SATB2: variants seen among roughly 807,000 people sequenced by gnomAD.
SATB2 encodes DNA-binding protein SATB2.
Under a neutral mutation model 73.4 loss-of-function variants are expected in SATB2, and 1 was observed. That is an observed-to-expected ratio of 0.01 (90% confidence interval 0.00 to 0.06). The LOEUF is 0.06. Among genes scored for constraint, SATB2 ranks in the 10% least tolerant of loss-of-function variants. The probability of loss-of-function intolerance (pLI) is 1.00; values close to 1 mark genes in which losing one functional copy is unlikely to be tolerated. For synonymous variants in SATB2, 397 were observed against 367.0 expected (o/e 1.08, Z -0.93); for missense variants, 459 against 945.8 (o/e 0.49, Z 6.75).
At chr2:199,355,348 C>CTATATATA (rs72202602) in intron 6 of SATB2, among the ~76,000 whole-genome samples, 2,056 of 134,122 alleles carry the variant, frequency 0.015, 192 homozygotes, top group African/African-American at 0.047. Context: ...GTGTGTGTAT[C>CTATATATA]TATATATATA....
intron 5 of SATB2, among the ~76,000 whole-genome samples, chr2:199,369,192 C>A (rs1203663236): frequency 6.6e-6 from 1 of 152,134 alleles, no homozygotes; most frequent in Non-Finnish European, 1.5e-5. Context: ...GTGATTAGAA[C>A]TTGTGTGAAA....
Position 199,464,424 on chromosome 2 carries a change from C to T in SATB2, c.-141+412G>A, listed in dbSNP as rs1692550246. On this transcript the variant is annotated intron_variant, in intron 1 of 11. Coordinates refer to the SATB2 transcript ENST00000260926. This position sits in a 1 kb window ranked among gnomAD's most constrained non-coding sequence, Gnocchi z 6.6. ...ATACACCCCCACCACCATTTCCACG[C>T]GCGCGCGCGCACACACACACACACA... is the stretch of plus-strand genomic sequence containing the variant. 6.8e-6 allele frequency among the ~76,000 whole-genome samples: 1 copy of T among 147,598 alleles called. No homozygotes were observed. Among genetic ancestry groups the T allele is most frequent in the African/African-American group, 2.7e-5 (1 of 37,554 alleles).
rs117171740 is a variant in SATB2 at position 199,376,795 on chromosome 2, A to G, written c.597+3569T>C. On this transcript the variant is annotated intron_variant, in intron 5 of 10. Coordinates refer to ENST00000417098, the MANE Select transcript of SATB2 (RefSeq NM_001172509.2). ...GCTACTAAGAGCAGAAGTAGCAACT[A>G]CTTCAACCAGGAGGTTGAGGCACTT... Among the ~76,000 whole-genome samples the G allele has an allele frequency of 9.9e-4, 150 of 152,278 alleles. 1 individual carries two copies. The East Asian group carries it at 0.017, about 17-fold the overall frequency.
intron 5 of SATB2, among the ~76,000 whole-genome samples, chr2:199,372,837 C>A (rs1211420623): frequency 6.6e-6 from 1 of 152,070 alleles, no homozygotes; most frequent in Non-Finnish European, 1.5e-5. Context: ...GTTTAGAATC[C>A]AAGAAAACTA....
rs1456682379 is a variant in SATB2, at chr2:199,321,362, TATGTATGTCTATACATAGAC to T, written c.1542+2421_1542+2440del. On this transcript the variant is annotated intron_variant, in intron 9 of 10. Transcript: ENST00000417098. ...GTACATATGTCTATGTATAGATATA[TATGTATGTCTATACATAGAC>T]ATATATATGTCTATATACACACACA... Among the ~76,000 whole-genome samples the T allele has an allele frequency of 1.9e-3, 273 of 146,584 alleles. 2 individuals carry two copies. Among genetic ancestry groups the T allele is most frequent in the African/African-American group, 6.3e-3 (248 of 39,198 alleles).
At chr2:199,275,641 G>A (rs1692291341) in intron 10 of SATB2, among the ~76,000 whole-genome samples, 1 of 152,090 alleles carries the variant, frequency 6.6e-6, no homozygotes, top group African/African-American at 2.4e-5. Flanking sequence ...TGACAGACTA[G>A]GAAGATGTTT....
intron 3 of SATB2, among the ~76,000 whole-genome samples, chr2:199,391,932 A>G (rs1164522063): frequency 6.6e-6 from 1 of 152,216 alleles, no homozygotes; most frequent in South Asian, 2.1e-4. Flanking sequence ...ACACAGTTAG[A>G]GATAATCTGG....
chr2:199,463,752 C>G lies in SATB2; in HGVS notation c.-141+1084G>C, dbSNP rs1016679385. Reference sequence around the variant, plus strand: ...CGCCCTGGCGCGTGCAAAATACGAACGCCCACAGTTTGTCCCAACCCCTTG... The same window carrying G: ...CGCCCTGGCGCGTGCAAAATACGAAGGCCCACAGTTTGTCCCAACCCCTTG... On this transcript the variant is annotated intron_variant, in intron 1 of 11. Coordinates refer to the SATB2 transcript ENST00000260926. This position sits in a 1 kb window ranked among gnomAD's most constrained non-coding sequence, Gnocchi z 6.4. 6.6e-6 allele frequency among the ~76,000 whole-genome samples: 1 copy of G among 152,224 alleles called. No individual in the cohort carries two copies. The highest frequency in any genetic ancestry group is 1.5e-5 in the Non-Finnish European group (1 of 68,036).
rs1687507320 is a variant in SATB2 at position 199,308,675 on chromosome 2, T to C, written c.1740+85A>G. ...AGACACCCTCTGACAGAAGTTGGTG[T>C]GGTGTGTGCCACTTGGACCCTCAGC... On this transcript the variant is annotated intron_variant, in intron 10 of 10. Transcript: ENST00000417098. The surrounding 1 kb of genome is among the most constrained non-coding windows in gnomAD (Gnocchi z 4.6). 1 of 1,126,360 alleles carries C rather than the reference T, an allele frequency of 8.9e-7. No individual in the cohort carries two copies. The highest frequency in any genetic ancestry group is 2.4e-5 in the East Asian group (1 of 42,496). 69.8% of individuals were successfully genotyped at this position (1,126,360 alleles called of 1,614,324 possible). A position where few individuals can be genotyped will look rare whatever the true frequency, so the allele number is the denominator to read the frequency against.
intron 6 of SATB2, 94 bp from the exon 7 acceptor site, chr2:199,349,267 G>A: frequency 8.1e-6 from 8 of 988,230 alleles, no homozygotes; most frequent in South Asian, 5.6e-5. Context: ...CTTTTGGCAT[G>A]TTAATAATAT....
chr2:199,277,953 C>T (rs1040776115), intron 10 of SATB2, among the ~76,000 whole-genome samples: 2 of 151,984 alleles, frequency 1.3e-5, no homozygotes, highest in Non-Finnish European at 2.9e-5. Context: ...ATGTTAAAGC[C>T]CATGCCCTTA....
intron 3 of SATB2, among the ~76,000 whole-genome samples, chr2:199,408,085 A>G (rs1350079034): frequency 6.6e-6 from 1 of 152,164 alleles, no homozygotes; most frequent in Non-Finnish European, 1.5e-5. Flanking sequence ...GCCTTGTTGA[A>G]TAACTAATCT....
chr2:199,293,085 A>C (rs1692920414), intron 10 of SATB2, among the ~76,000 whole-genome samples: 1 of 152,192 alleles, frequency 6.6e-6, no homozygotes, highest in African/African-American at 2.4e-5. Context: ...GGTTAAGAAA[A>C]GAGAATATTG....
At chr2:199,301,554 G>A (rs1448090146) in intron 10 of SATB2, among the ~76,000 whole-genome samples, 1 of 152,186 alleles carries the variant, frequency 6.6e-6, no homozygotes, top group Non-Finnish European at 1.5e-5. Context: ...TAGGCATTCA[G>A]ATGACTGATT....
At chr2:199,368,548 C>G in intron 6 of SATB2, 57 bp downstream of exon 6, 1 of 1,000,506 alleles carries the variant, frequency 1.0e-6, no homozygotes, top group Non-Finnish European at 1.6e-6. Flanking sequence ...AAACAACCAA[C>G]AACTCATGAA....
intron 9 of SATB2, among the ~76,000 whole-genome samples, chr2:199,314,784 A>T (rs1468951892): frequency 2.6e-5 from 4 of 152,098 alleles, no homozygotes; most frequent in Non-Finnish European, 5.9e-5. Flanking sequence ...AAAGAATGTC[A>T]TGCAAAAAAA....
At chr2:199,411,392 G>C (rs762944234) in intron 3 of SATB2, among the ~76,000 whole-genome samples, 14 of 152,142 alleles carry the variant, frequency 9.2e-5, no homozygotes, top group Non-Finnish European at 2.1e-4. Context: ...AAAAGAGGGA[G>C]AGAGTATTAC....
At chr2:199,359,332 A>G (rs1689072172) in intron 6 of SATB2, among the ~76,000 whole-genome samples, 1 of 152,146 alleles carries the variant, frequency 6.6e-6, no homozygotes, top group Non-Finnish European at 1.5e-5. Context: ...GGCTACACAA[A>G]TGTTCTCTAA....
chr2:199,418,739 G>C (rs1457330993), intron 3 of SATB2, among the ~76,000 whole-genome samples: 1 of 152,152 alleles, frequency 6.6e-6, no homozygotes, highest in African/African-American at 2.4e-5. Context: ...ATTACATAAA[G>C]CATCTAATAC....
Sources: gnomAD v4.1 joint callset for allele counts (sites outside exome capture counted in the v4.1 genomes callset) on GRCh38, gnomAD v4.1.1 for gene constraint, Gnocchi (gnomAD v3.1) non-coding constraint, MANE v1.5 for transcripts, NCBI Gene and HGNC (gene_info 2026-07-23, HGNC 2026-07-21) for gene names.